Variants in SLC5A10 observed in about 807,000 individuals in gnomAD.
The protein encoded by SLC5A10 is sodium/mannose cotransporter SLC5A10.
Under a neutral mutation model 68.9 loss-of-function variants are expected in SLC5A10, and 55 were observed. The observed-to-expected ratio is 0.80, with a 90% CI of 0.64 to 1.00. The LOEUF (loss-of-function observed/expected upper bound fraction) is 1.00, where lower values mean the gene tolerates loss of function less well. Among genes scored for constraint, SLC5A10 ranks in the 50% least tolerant of loss-of-function variants. SLC5A10 has a pLI of 0.00. For missense variants in SLC5A10, 732 were observed against 819.3 expected (o/e 0.89, Z 1.30); for synonymous variants, 344 against 344.8 (o/e 1.00, Z 0.02).
intron 1 of SLC5A10, chr17:18,953,505 C>T (rs1268962039): frequency 6.6e-6 from 1 of 152,644 alleles, no homozygotes; most frequent in Non-Finnish European, 1.5e-5. Context: ...TGGTCACGTC[C>T]CCTCAGCTTC....
In SLC5A10 at chr17:18,960,607, C is replaced by T; in HGVS notation, c.408C>T (p.Tyr136=). The T allele has an allele frequency of 6.2e-7, 1 of 1,614,158 alleles. No individual in the cohort carries two copies. The highest frequency in any genetic ancestry group is 8.5e-7 in the Non-Finnish European group (1 of 1,180,002). The change falls in exon 5 of 15, where the codon TAC becomes TAT. Residue 136 remains tyrosine, a synonymous_variant. Coordinates refer to ENST00000395645, the MANE Select transcript of SLC5A10 (RefSeq NM_001042450.4). The part of the protein sequence containing the change: ...KRYGGQRIRM[Y]LSVLSLLLSV... ...ACGGGGGCCAGCGGATCCGCATGTA[C>T]CTGTCTGTCCTGTCCCTGCTACTGT...
chr17:18,965,086 T>TAA (rs1567780704), intron 5 of SLC5A10, among the ~76,000 whole-genome samples: 1 of 144,686 alleles, frequency 6.9e-6, no homozygotes, highest in African/African-American at 2.7e-5. Flanking sequence ...AGAGGTTTTT[T>TAA]TAAAAAAAAA....
rs1254630123 is a variant in SLC5A10 at position 18,952,255 on chromosome 17, G to T, written c.50G>T (p.Ser17Ile). The change falls in exon 1 of 15, where the codon AGC (serine) becomes ATC (isoleucine). Residue 17 changes from serine (S) to isoleucine (I), a missense_variant. Transcript: ENST00000395645. Reference sequence around the variant, plus strand: ...CTCCACACTCCCGGGACGCAGCTGAGCGTGGCTGACATCATCGTCATCACT... The same window carrying T: ...CTCCACACTCCCGGGACGCAGCTGATCGTGGCTGACATCATCGTCATCACT... ...SDLHTPGTQL[S>I]VADIIVITVY... The T allele has an allele frequency of 1.2e-6, 2 of 1,613,910 alleles. No homozygotes were observed. Among genetic ancestry groups the T allele is most frequent in the African/African-American group, 2.7e-5 (2 of 74,944 alleles).
intron 9 of SLC5A10, among the ~76,000 whole-genome samples, chr17:18,980,926 C>A (rs762483008): frequency 6.6e-6 from 1 of 152,084 alleles, no homozygotes; most frequent in Non-Finnish European, 1.5e-5. Context: ...AGTCTCACTC[C>A]CTCCCGAGGG....
At position 19,022,512 on chromosome 17, in the gene SLC5A10, C is replaced by T. The variant is rs1452796989; in HGVS notation, c.*2081C>T. On this transcript the variant is annotated 3_prime_UTR_variant, in exon 15 of 15. Coordinates refer to ENST00000395645, the MANE Select transcript of SLC5A10 (RefSeq NM_001042450.4). ...CTGCAGCAGCCATGGTAGCTTTTGA[C>T]TCCAGGCCACAAAGCCATGAGAATG... is the stretch of plus-strand genomic sequence containing the variant. 1 of 222,076 alleles carries T rather than the reference C, an allele frequency of 4.5e-6. No individual in the cohort carries two copies. The highest frequency in any genetic ancestry group is 8.8e-6 in the Non-Finnish European group (1 of 114,144). 13.8% of individuals were successfully genotyped at this position (222,076 alleles called of 1,614,324 possible). A position where few individuals can be genotyped will look rare whatever the true frequency, so the allele number is the denominator to read the frequency against.
intron 9 of SLC5A10, among the ~76,000 whole-genome samples, chr17:18,980,425 G>C (rs1030050584): frequency 1.3e-5 from 2 of 152,136 alleles, no homozygotes; most frequent in East Asian, 3.9e-4. Context: ...AAGGAGAAGA[G>C]GGCTCCTTGG....
In SLC5A10 at chr17:19,015,197, A is replaced by ACGGTACGGGGGTGGGGAC; in HGVS notation, c.1241+14_1241+15insACCGGTACGGGGGTGGGG. On this transcript the variant is annotated inframe_insertion and splice_region_variant, in exon 11 of 15. Coordinates refer to ENST00000395645, the MANE Select transcript of SLC5A10 (RefSeq NM_001042450.4). ...GCGAGCGGGAGCTCCTGCTGGTGGG[A>ACGGTACGGGGGTGGGGAC]CGGTACGGGGGTGGGGGCCAGTACG... 1.1e-6 allele frequency: 1 copy of ACGGTACGGGGGTGGGGAC among 907,518 alleles called. No individual in the cohort carries two copies. The highest frequency in any genetic ancestry group is 1.7e-6 in the Non-Finnish European group (1 of 594,038). 56.2% of individuals were successfully genotyped at this position (907,518 alleles called of 1,614,324 possible). A position where few individuals can be genotyped will look rare whatever the true frequency, so the allele number is the denominator to read the frequency against.
Position 19,013,431 on chromosome 17 carries a change from C to A in SLC5A10, c.1004C>A (p.Pro335Gln). The stretch of plus-strand genomic sequence containing the variant: ...ACAGATGATGTGGGCTGCGTGGTGC[C>A]GTCCGAGTGCCTGCGGGCCTGCGGG... Reference protein sequence around the residue: ...LFPDDVGCVVPSECLRACGAE... With the variant: ...LFPDDVGCVVQSECLRACGAE... Residue 335 changes from proline to glutamine, a missense_variant, in exon 10 of 15, where the codon CCG becomes CAG. Physicochemically the swap from Pro to Gln is moderately conservative, Grantham distance 76 (BLOSUM62 -1). Coordinates refer to ENST00000395645, the MANE Select transcript of SLC5A10 (RefSeq NM_001042450.4). The A allele has an allele frequency of 6.2e-7, 1 of 1,606,170 alleles. No homozygotes were observed. Among genetic ancestry groups the A allele is most frequent in the South Asian group, 1.1e-5 (1 of 90,168 alleles).
chr17:19,003,666 G>T lies in SLC5A10; in HGVS notation c.983-9744G>T. The T allele has an allele frequency of 6.2e-7, 1 of 1,611,596 alleles. No homozygotes were observed. Among genetic ancestry groups the T allele is most frequent in the Non-Finnish European group, 8.5e-7 (1 of 1,179,250 alleles). On this transcript the variant is annotated intron_variant, in intron 9 of 14. Transcript: ENST00000395645. This position sits in a 1 kb window ranked among gnomAD's most constrained non-coding sequence, Gnocchi z 4.5. Reference sequence around the variant, plus strand: ...CCCAGGTCCAGCTGCGGGATGGAGCGGTCCGACTTCTGGGGCCAGTACTCC... The same window carrying T: ...CCCAGGTCCAGCTGCGGGATGGAGCTGTCCGACTTCTGGGGCCAGTACTCC...
In SLC5A10 at chr17:18,970,801, T is replaced by C. The variant is rs906359120; in HGVS notation, c.641-212T>C. The C allele has an allele frequency of 1.5e-5, 9 of 582,324 alleles. No individual in the cohort carries two copies. The African/African-American group carries it at 1.7e-4, about 11-fold the overall frequency. The allele number at this position is 582,324 out of a possible 1,614,324, so 36.1% of individuals were successfully genotyped here. ...AAAATGCTTACTTAATAGTATTATT[T>C]TAAATACGAATAAAATAGTCATTCA... On this transcript the variant is annotated intron_variant, in intron 7 of 14. Coordinates refer to ENST00000395645, the MANE Select transcript of SLC5A10 (RefSeq NM_001042450.4).
rs1337152079 is a variant in SLC5A10 at position 18,977,818 on chromosome 17, T to C, written c.982+829T>C. 11 of 1,608,528 alleles carry C rather than the reference T, an allele frequency of 6.8e-6. No homozygotes were observed. In the South Asian group the frequency reaches 1.1e-4, roughly 16 times the overall value. On this transcript the variant is annotated intron_variant, in intron 9 of 14. Transcript: ENST00000395645. ...GCTCTCTCACCTCGAAGTACTCCTC[T>C]GACACAGAGGAAGCCACTGAGGGCC...
Position 19,020,370 on chromosome 17 carries a change from G to T in SLC5A10, c.1730G>T (p.Cys577Phe), listed in dbSNP as rs201957710. ...AAACACGCCTTCTGGGCCCGTGTCT[G>T]TGGCTTCAATGCCATCCTCCTCATG... ...PQKHAFWARV[C>F]GFNAILLMCV... The change falls in exon 15 of 15, where the codon TGT becomes TTT. Residue 577 changes from cysteine (C) to phenylalanine (F), a missense_variant. By Grantham distance (205) the Cys-to-Phe change is radical. Transcript: ENST00000395645. The T allele has an allele frequency of 3.1e-6, 5 of 1,614,036 alleles. No homozygotes were observed. In the African/African-American group the frequency reaches 5.3e-5, roughly 17 times the overall value.
intron 9 of SLC5A10, 156 bp downstream of exon 9, chr17:18,977,145 AG>A: frequency 1.0e-6 from 1 of 994,496 alleles, no homozygotes; most frequent in Non-Finnish European, 1.5e-6. Flanking sequence ...CCACAATCAA[AG>A]GGATTAACAT....
At chr17:18,966,759 A>AAC (rs1461727955) in intron 5 of SLC5A10, among the ~76,000 whole-genome samples, 6 of 151,066 alleles carry the variant, frequency 4.0e-5, no homozygotes, top group South Asian at 2.1e-4. Context: ...CAAAAAAAAA[A>AAC]AAAAAAACAA....
At chr17:19,010,289 C>T (rs1039013494) in intron 9 of SLC5A10, among the ~76,000 whole-genome samples, 17 of 152,092 alleles carry the variant, frequency 1.1e-4, no homozygotes, top group African/African-American at 3.6e-4. Flanking sequence ...GACAAGGGGA[C>T]GAGGAGGGGC....
chr17:18,964,802 C>T (rs1285575106), intron 5 of SLC5A10, among the ~76,000 whole-genome samples: 1 of 152,144 alleles, frequency 6.6e-6, no homozygotes, highest in Non-Finnish European at 1.5e-5. Context: ...AGCCTCTGGG[C>T]AGGGCCTCTG....
Position 18,959,148 on chromosome 17 carries a change from T to G in SLC5A10, c.197T>G (p.Leu66Arg). 6.2e-7 allele frequency: 1 copy of G among 1,611,296 alleles called. No homozygotes were observed. Among genetic ancestry groups the G allele is most frequent in the Non-Finnish European group, 8.5e-7 (1 of 1,177,800 alleles). ...TCTCTCCTCCAGATTGGAGCCTCCC[T>G]CTTCGCCAGCAGCGAGGGCTCTGGC... ...DMTWWPIGASLFASSEGSGLF... is the reference protein window; with the variant it reads ...DMTWWPIGASRFASSEGSGLF... Residue 66 changes from leucine to arginine, a missense_variant, in exon 3 of 15, where the codon CTC (leucine) becomes CGC (arginine). By Grantham distance (102) the Leu-to-Arg change is moderately radical. Transcript: ENST00000395645.
intron 9 of SLC5A10, among the ~76,000 whole-genome samples, chr17:19,002,184 G>A (rs1231163346): frequency 6.6e-6 from 1 of 152,122 alleles, no homozygotes; most frequent in Non-Finnish European, 1.5e-5. Context: ...CTTCACAATA[G>A]CCAAAGATGC....
chr17:18,952,142 C>T (rs1441119848), upstream of SLC5A10: 1 of 1,555,322 alleles, frequency 6.4e-7, no homozygotes, highest in Non-Finnish European at 8.7e-7. Context: ...CCAGGAAACC[C>T]TTTCTGACCT....
Sources: gnomAD v4.1 joint callset for allele counts (sites outside exome capture counted in the v4.1 genomes callset) on GRCh38, gnomAD v4.1.1 for gene constraint, Gnocchi (gnomAD v3.1) non-coding constraint, MANE v1.5 for transcripts, NCBI Gene and HGNC (gene_info 2026-07-23, HGNC 2026-07-21) for gene names.